MRTFA: variants seen among roughly 807,000 people sequenced by gnomAD.
MRTFA encodes the protein myocardin related transcription factor A.
MRTFA carries 20 observed loss-of-function variants against 83.5 expected under a neutral mutation model. The ratio of observed to expected loss-of-function variants is 0.24; its 90% CI spans 0.17 to 0.35. The LOEUF is 0.35. Ranked by LOEUF, MRTFA falls within the 10% of genes least tolerant of loss-of-function variation. The pLI is 1.00. For synonymous variants in MRTFA, 659 were observed against 541.2 expected, an observed-to-expected ratio of 1.22 and a Z score of -3.02; for missense variants, 1,200 against 1,224.7, an observed-to-expected ratio of 0.98 and a Z score of 0.30.
At position 40,423,545 on chromosome 22, in the gene MRTFA, T is replaced by C. The variant is rs746840945; in HGVS notation, c.918A>G (p.Thr306=). ...ACTGGCAGAAATGTACCTTAATGAG[T>C]GTGGGGGTGGACTTGGCAGTGGGGA... The change falls in exon 9 of 15, where the codon ACA becomes ACG. Residue 306 remains threonine, a synonymous_variant. Coordinates refer to ENST00000355630, the MANE Select transcript of MRTFA (RefSeq NM_020831.6). 1.2e-4 allele frequency: 187 copies of C among 1,546,258 alleles called. No individual in the cohort carries two copies. The highest frequency in any genetic ancestry group is 1.5e-4 in the Non-Finnish European group (176 of 1,143,022).
chr22:40,563,840 T>G (rs1261199399), intron 2 of MRTFA, among the ~76,000 whole-genome samples: 1 of 152,244 alleles, frequency 6.6e-6, no homozygotes, highest in African/African-American at 2.4e-5. Flanking sequence ...CAATACAGTT[T>G]AGCCAATCAC....
intron 1 of MRTFA, among the ~76,000 whole-genome samples, chr22:40,627,910 A>G (rs2056599513): frequency 6.6e-6 from 1 of 152,206 alleles, no homozygotes; most frequent in African/African-American, 2.4e-5. Flanking sequence ...GTTTGAGGAC[A>G]CAGTGAGCTA....
chr22:40,458,786 A>C (rs2053641419), intron 4 of MRTFA, among the ~76,000 whole-genome samples: 1 of 152,094 alleles, frequency 6.6e-6, no homozygotes, highest in Non-Finnish European at 1.5e-5. Flanking sequence ...TTTCAGAAAC[A>C]CCTCAGGCTG....
chr22:40,455,528 C>A lies in MRTFA; in HGVS notation c.307+7693G>T, dbSNP rs531619078. On this transcript the variant is annotated intron_variant, in intron 4 of 14. Coordinates refer to ENST00000355630, the MANE Select transcript of MRTFA (RefSeq NM_020831.6). ...AGGCATGGTGGCGGGTGCCCGTAGT[C>A]CCAGCTACTCAGGAGGCCGAGGCAG... Among the ~76,000 whole-genome samples, 3 of 151,982 alleles carry A rather than the reference C, an allele frequency of 2.0e-5. No individual in the cohort carries two copies. The South Asian group carries it at 6.2e-4, about 32-fold the overall frequency.
intron 4 of MRTFA, among the ~76,000 whole-genome samples, chr22:40,460,527 C>A (rs2053691894): frequency 6.6e-6 from 1 of 152,174 alleles, no homozygotes; most frequent in African/African-American, 2.4e-5. Context: ...CTGTTCAATG[C>A]CTTGAGGGCA....
At chr22:40,570,501 C>T (rs1361120472) in intron 2 of MRTFA, among the ~76,000 whole-genome samples, 1 of 144,598 alleles carries the variant, frequency 6.9e-6, no homozygotes, top group African/African-American at 2.5e-5. Context: ...CGGCATGAAC[C>T]CAGGAGGTGG....
At chr22:40,533,644 C>A in intron 3 of MRTFA, 8 of 1,228,480 alleles carry the variant, frequency 6.5e-6, no homozygotes, top group Non-Finnish European at 8.1e-6. Context: ...ATGACGGATT[C>A]TTCCAGAAAC....
chr22:40,430,186 C>T (rs2053038903), intron 6 of MRTFA, among the ~76,000 whole-genome samples: 1 of 152,188 alleles, frequency 6.6e-6, no homozygotes, highest in Non-Finnish European at 1.5e-5. Context: ...GCCCCAAAAA[C>T]AGCTCAAAAC....
At chr22:40,545,832 C>G (rs941693619) in intron 3 of MRTFA, among the ~76,000 whole-genome samples, 2 of 151,950 alleles carry the variant, frequency 1.3e-5, no homozygotes, top group Non-Finnish European at 2.9e-5. Context: ...CTCCCCAGTT[C>G]AAGCGATTCT....
chr22:40,439,765 G>A (rs1206735476), intron 4 of MRTFA, among the ~76,000 whole-genome samples: 1 of 152,146 alleles, frequency 6.6e-6, no homozygotes, highest in East Asian at 1.9e-4. Context: ...AGCTCACCAC[G>A]TAACAGCCTT....
intron 3 of MRTFA, chr22:40,533,636 G>T: frequency 8.1e-7 from 1 of 1,229,472 alleles, no homozygotes; most frequent in Non-Finnish European, 1.0e-6. Context: ...GTAGAGTCAT[G>T]ACGGATTCTT....
At chr22:40,505,987 AC>A (rs1355361565) in intron 3 of MRTFA, among the ~76,000 whole-genome samples, 2 of 152,224 alleles carry the variant, frequency 1.3e-5, no homozygotes, top group African/African-American at 2.4e-5. Context: ...TAATCCAGGC[AC>A]TTTGGGAGGC....
At chr22:40,460,572 C>CA (rs2053692969) in intron 4 of MRTFA, among the ~76,000 whole-genome samples, 1 of 152,184 alleles carries the variant, frequency 6.6e-6, no homozygotes, top group Non-Finnish European at 1.5e-5. Context: ...ATCTTGGTAG[C>CA]ATCTAGGACT....
At chr22:40,440,151 CAAAA>C (rs376161982) in intron 4 of MRTFA, among the ~76,000 whole-genome samples, 12,904 of 70,532 alleles carry the variant, frequency 0.18, 521 homozygotes, top group East Asian at 0.31. Context: ...GACTCCGTCT[CAAAA>C]AAAAAAAAAA....
At chr22:40,631,478 A>G (rs2056641107) in intron 1 of MRTFA, among the ~76,000 whole-genome samples, 1 of 152,204 alleles carries the variant, frequency 6.6e-6, no homozygotes, top group Non-Finnish European at 1.5e-5. Context: ...CAAGAGTATC[A>G]TAGTCACACA....
intron 3 of MRTFA, among the ~76,000 whole-genome samples, chr22:40,535,815 C>T (rs532005386): frequency 5.3e-5 from 8 of 152,088 alleles, no homozygotes; most frequent in Non-Finnish European, 1.2e-4. Context: ...CAAAACTGTT[C>T]GCCATAGAAG....
chr22:40,493,882 A>C (rs924715972), intron 3 of MRTFA, among the ~76,000 whole-genome samples: 2 of 152,260 alleles, frequency 1.3e-5, no homozygotes, highest in African/African-American at 4.8e-5. Flanking sequence ...AATAGTGTTT[A>C]GGTCTCAGTT....
At chr22:40,497,629 T>G (rs2054378285) in intron 3 of MRTFA, among the ~76,000 whole-genome samples, 1 of 152,064 alleles carries the variant, frequency 6.6e-6, no homozygotes. Context: ...AGTGCACGCC[T>G]ATAATCCCAG....
chr22:40,415,565 C>T (rs939121710), intron 14 of MRTFA: 4 of 152,558 alleles, frequency 2.6e-5, no homozygotes, highest in Admixed American at 2.0e-4. Flanking sequence ...GCTCACCACC[C>T]AGCATCGGCA....
Sources: gnomAD v4.1 joint callset for allele counts (sites outside exome capture counted in the v4.1 genomes callset) on GRCh38, gnomAD v4.1.1 for gene constraint, MANE v1.5 for transcripts, NCBI Gene and HGNC (gene_info 2026-07-23, HGNC 2026-07-21) for gene names.